Variants in ROBO2 observed in about 807,000 individuals in gnomAD.
ROBO2 encodes roundabout guidance receptor 2.
ROBO2 carries 53 observed loss-of-function variants against 160.8 expected under a neutral mutation model. That is an observed-to-expected ratio of 0.33 (90% confidence interval 0.26 to 0.41). The LOEUF (loss-of-function observed/expected upper bound fraction) is 0.41. ROBO2 is among the 10% of genes least tolerant of loss of function. The pLI is 1.00. For synonymous variants in ROBO2, 664 were observed against 611.7 expected, an observed-to-expected ratio of 1.09 and a Z score of -1.26; for missense variants, 1,577 against 1,722.4, an observed-to-expected ratio of 0.92 and a Z score of 1.49.
intron 2 of ROBO2, among the ~76,000 whole-genome samples, chr3:77,109,835 C>G (rs978042781): frequency 1.3e-5 from 2 of 152,190 alleles, no homozygotes; most frequent in African/African-American, 2.4e-5. Context: ...TTTACTTGAA[C>G]AAGCAAACAA....
At chr3:76,603,081 C>T (rs866747422) in intron 2 of ROBO2, among the ~76,000 whole-genome samples, 18 of 151,786 alleles carry the variant, frequency 1.2e-4, no homozygotes, top group South Asian at 4.2e-4. Context: ...CCTGTAATCT[C>T]GGCACTTTGG....
At chr3:76,415,225 T>C (rs937398954) in intron 2 of ROBO2, among the ~76,000 whole-genome samples, 12 of 152,270 alleles carry the variant, frequency 7.9e-5, no homozygotes, top group South Asian at 2.1e-4. Context: ...GGTCCCCATA[T>C]TGACAGTTCT....
At chr3:76,539,309 T>C (rs1334403815) in intron 2 of ROBO2, among the ~76,000 whole-genome samples, 4 of 151,052 alleles carry the variant, frequency 2.6e-5, no homozygotes, top group Non-Finnish European at 4.4e-5. Flanking sequence ...CATGTGTACA[T>C]ATGTAACACA....
At chr3:77,231,613 C>T (rs914041192) in intron 2 of ROBO2, among the ~76,000 whole-genome samples, 9 of 136,096 alleles carry the variant, frequency 6.6e-5, no homozygotes, top group Admixed American at 7.7e-5. Context: ...GTTCTTAATA[C>T]ATTACATTAT....
At chr3:77,422,339 G>T (rs1011754812) in intron 2 of ROBO2, among the ~76,000 whole-genome samples, 4 of 152,136 alleles carry the variant, frequency 2.6e-5, no homozygotes, top group Non-Finnish European at 5.9e-5. Context: ...GGACATGAAG[G>T]CTAAGCAGGC....
intron 2 of ROBO2, among the ~76,000 whole-genome samples, chr3:76,778,605 T>C (rs142669069): frequency 1.3e-5 from 2 of 151,236 alleles, no homozygotes; most frequent in African/African-American, 4.8e-5. Flanking sequence ...CAAATAAACC[T>C]TTATTTTATT....
intron 2 of ROBO2, among the ~76,000 whole-genome samples, chr3:77,198,247 G>T (rs915622143): frequency 6.6e-6 from 1 of 152,096 alleles, no homozygotes; most frequent in Non-Finnish European, 1.5e-5. Context: ...AAAGCAAGGG[G>T]TGATTGATAG....
chr3:77,407,089 G>A (rs1431306887), intron 2 of ROBO2, among the ~76,000 whole-genome samples: 1 of 152,116 alleles, frequency 6.6e-6, no homozygotes, highest in Non-Finnish European at 1.5e-5. Flanking sequence ...GCCTCCCAAA[G>A]TGCTGGAATT....
At position 77,040,921 on chromosome 3, in the gene ROBO2, T is replaced by A. The variant is rs974126594; in HGVS notation, c.61+75T>A. On this transcript the variant is annotated intron_variant, in intron 1 of 25. Transcript: ENST00000461745. ...CCCCAAAACCATTTCTTTTTGAATT[T>A]GATGTGGGTTATAAATGAAATGACA... 1.3e-5 allele frequency: 20 copies of A among 1,559,716 alleles called. 1 individual carries two copies. The Admixed American group carries it at 3.2e-4, about 25-fold the overall frequency.
chr3:77,029,713 T>A (rs2063194499), intron 2 of ROBO2, among the ~76,000 whole-genome samples: 1 of 152,178 alleles, frequency 6.6e-6, no homozygotes, highest in Admixed American at 6.5e-5. Context: ...ATGATCCTTA[T>A]TATACAAAGA....
chr3:77,546,986 C>A (rs1485351132), intron 7 of ROBO2, among the ~76,000 whole-genome samples: 1 of 152,026 alleles, frequency 6.6e-6, no homozygotes, highest in Non-Finnish European at 1.5e-5. Flanking sequence ...CTTCTCCATT[C>A]CTCCTGGATT....
chr3:77,637,811 CT>C (rs2095289227), intron 24 of ROBO2, among the ~76,000 whole-genome samples: 1 of 152,048 alleles, frequency 6.6e-6, no homozygotes, highest in South Asian at 2.1e-4. Flanking sequence ...ATACAGATCT[CT>C]TTTTTTCTAA....
At chr3:76,857,141 A>G (rs923056190) in intron 2 of ROBO2, among the ~76,000 whole-genome samples, 3 of 151,832 alleles carry the variant, frequency 2.0e-5, no homozygotes, top group South Asian at 2.1e-4. Flanking sequence ...GCCCGCCACC[A>G]CGCCCGGATA....
intron 2 of ROBO2, among the ~76,000 whole-genome samples, chr3:76,503,134 T>A (rs11715326): frequency 0.3 from 45,828 of 151,822 alleles, 8,571 homozygotes; most frequent in Non-Finnish European, 0.41. Flanking sequence ...CCAGTCCAAG[T>A]CCCAAAACTG....
At chr3:76,273,063 A>C (rs1254105412) in intron 2 of ROBO2, among the ~76,000 whole-genome samples, 170 of 108,634 alleles carry the variant, frequency 1.6e-3, no homozygotes, top group African/African-American at 3.3e-3. Context: ...AATATATAAA[A>C]AATATATATA....
chr3:77,273,523 A>T (rs1018720044), intron 2 of ROBO2, among the ~76,000 whole-genome samples: 2 of 151,886 alleles, frequency 1.3e-5, no homozygotes, highest in East Asian at 3.9e-4. Context: ...AGTGTAGATG[A>T]TGTATTGCAT....
At chr3:76,811,637 A>G (rs1324702866) in intron 2 of ROBO2, among the ~76,000 whole-genome samples, 1 of 152,172 alleles carries the variant, frequency 6.6e-6, no homozygotes, top group Non-Finnish European at 1.5e-5. Flanking sequence ...TCTGAGCTAG[A>G]AAACCAAATC....
intron 2 of ROBO2, among the ~76,000 whole-genome samples, chr3:76,417,085 ATGT>A (rs62831463): frequency 0.56 from 85,016 of 151,614 alleles, 24,111 homozygotes; most frequent in African/African-American, 0.63. Flanking sequence ...CCTTTTAAAG[ATGT>A]TGTGTTCCTT....
At chr3:77,135,804 T>G (rs563527006) in intron 2 of ROBO2, among the ~76,000 whole-genome samples, 3 of 152,346 alleles carry the variant, frequency 2.0e-5, no homozygotes, top group Admixed American at 2.0e-4. Context: ...TTTATTTTAA[T>G]CATTTTCCAT....
Sources: allele counts gnomAD v4.1 joint callset (sites outside exome capture counted in the v4.1 genomes callset), GRCh38; gene constraint gnomAD v4.1.1; transcripts MANE v1.5; gene names NCBI Gene and HGNC (gene_info 2026-07-23, HGNC 2026-07-21).